GOSR1: variants seen among roughly 807,000 people sequenced by gnomAD.
The protein encoded by GOSR1 is golgi SNAP receptor complex member 1.
In GOSR1, 21 loss-of-function variants were observed where a neutral mutation model predicts 35.5. The observed-to-expected ratio is 0.59, with a 90% CI of 0.42 to 0.85. GOSR1 has a LOEUF of 0.85. Among genes scored for constraint, GOSR1 ranks in the 40% least tolerant of loss-of-function variants. The probability of loss-of-function intolerance (pLI) is 0.00; values close to 1 mark genes in which losing one functional copy is unlikely to be tolerated. For synonymous variants in GOSR1, 94 were observed against 106.6 expected, an observed-to-expected ratio of 0.88 and a Z score of 0.73; for missense variants, 285 against 309.6, an observed-to-expected ratio of 0.92 and a Z score of 0.60.
At chr17:30,500,417 G>A (rs1378821415) in intron 6 of GOSR1, among the ~76,000 whole-genome samples, 1 of 152,026 alleles carries the variant, frequency 6.6e-6, no homozygotes, top group East Asian at 1.9e-4. Context: ...GTAAGTTAAG[G>A]GTCAGGATTC....
intron 7 of GOSR1, among the ~76,000 whole-genome samples, chr17:30,518,943 C>CA (rs1453234236): frequency 6.6e-6 from 1 of 151,868 alleles, no homozygotes; most frequent in Non-Finnish European, 1.5e-5. Flanking sequence ...CCCTGTCCCC[C>CA]AACCCCCAAC....
intron 6 of GOSR1, among the ~76,000 whole-genome samples, chr17:30,507,302 A>AT (rs1967435646): frequency 6.6e-6 from 1 of 152,236 alleles, no homozygotes; most frequent in African/African-American, 2.4e-5. Context: ...AAATATCAAC[A>AT]TTAACAGGAA....
chr17:30,511,181 C>T (rs1328670885), intron 7 of GOSR1, among the ~76,000 whole-genome samples: 1 of 152,158 alleles, frequency 6.6e-6, no homozygotes, highest in Non-Finnish European at 1.5e-5. Context: ...TTTTCAATCT[C>T]AGTCTTTTTA....
At chr17:30,494,291 C>T (rs1311575813) in intron 6 of GOSR1, among the ~76,000 whole-genome samples, 1 of 151,954 alleles carries the variant, frequency 6.6e-6, no homozygotes, top group Non-Finnish European at 1.5e-5. Flanking sequence ...TAGGTTTTAG[C>T]AATTTATGTT....
intron 2 of GOSR1, among the ~76,000 whole-genome samples, chr17:30,481,621 T>C (rs1427661214): frequency 6.6e-6 from 1 of 152,232 alleles, no homozygotes; most frequent in East Asian, 1.9e-4. Context: ...GACCTGTGGA[T>C]CTACCCAGGT....
At chr17:30,491,844 C>T (rs1915063759) in intron 5 of GOSR1, among the ~76,000 whole-genome samples, 2 of 152,092 alleles carry the variant, frequency 1.3e-5, no homozygotes, top group Non-Finnish European at 2.9e-5. Flanking sequence ...TATTGAGACA[C>T]TTGTCTGAGG....
chr17:30,519,708 A>G (rs570326165), intron 7 of GOSR1: 70 of 380,456 alleles, frequency 1.8e-4, no homozygotes, highest in Non-Finnish European at 2.5e-4. Context: ...TGAAGCAAAC[A>G]TAGGAAGTGG....
rs1283602123 is a variant in GOSR1, at chr17:30,490,295, T to C, written c.434+78T>C. Reference sequence around the variant, plus strand: ...GGATATGTTCACGGTTAATTGCAAATTGAGTGGCAGAACCGTGGTTGAGAT... The same window carrying C: ...GGATATGTTCACGGTTAATTGCAAACTGAGTGGCAGAACCGTGGTTGAGAT... On this transcript the variant is annotated intron_variant, in intron 5 of 8. Transcript: ENST00000451249. 10 of 687,088 alleles carry C rather than the reference T, an allele frequency of 1.5e-5. No homozygotes were observed. In the South Asian group the frequency reaches 1.6e-4, roughly 11 times the overall value. 42.6% of individuals were successfully genotyped at this position (687,088 alleles called of 1,614,324 possible).
chr17:30,511,256 T>C (rs1413404188), intron 7 of GOSR1, among the ~76,000 whole-genome samples: 3 of 152,264 alleles, frequency 2.0e-5, no homozygotes, highest in African/African-American at 4.8e-5. Context: ...GCCATTCATA[T>C]AGACTTTGCT....
chr17:30,477,585 G>A (rs924293328), intron 1 of GOSR1, 121 bp downstream of exon 1: 2 of 1,408,932 alleles, frequency 1.4e-6, no homozygotes, highest in Non-Finnish European at 1.9e-6. Flanking sequence ...GCTGAGCAGC[G>A]GGGCTTGCCT....
At chr17:30,484,594 T>C (rs1015118526) in intron 3 of GOSR1, 69 bp from the exon 4 acceptor site, 3 of 803,974 alleles carry the variant, frequency 3.7e-6, no homozygotes, top group African/African-American at 3.5e-5. Flanking sequence ...TATAGGCAAA[T>C]AATTTGCTTT....
At chr17:30,519,819 T>C in intron 7 of GOSR1, 120 bp from the exon 8 acceptor site, 1 of 651,860 alleles carries the variant, frequency 1.5e-6, no homozygotes, top group Non-Finnish European at 2.7e-6. Flanking sequence ...CCTTATTTTC[T>C]GGCACAGTGC....
rs995558589 is a variant in GOSR1, at chr17:30,489,820, A to G, written c.343-306A>G. Among the ~76,000 whole-genome samples, 4 of 152,260 alleles carry G rather than the reference A, an allele frequency of 2.6e-5. No homozygotes were observed. The South Asian group carries it at 6.2e-4, about 24-fold the overall frequency. Reference sequence around the variant, plus strand: ...AGCCTCTCAAGTTTTCTCCTAGACTATTTGAAGTTATTTTATCTCAGAATT... The same window carrying G: ...AGCCTCTCAAGTTTTCTCCTAGACTGTTTGAAGTTATTTTATCTCAGAATT... On this transcript the variant is annotated intron_variant, in intron 4 of 8. Coordinates refer to ENST00000451249, the MANE Select transcript of GOSR1 (RefSeq NM_001007025.2).
intron 7 of GOSR1, among the ~76,000 whole-genome samples, chr17:30,511,823 G>A (rs1049162423): frequency 3.3e-5 from 5 of 152,234 alleles, no homozygotes; most frequent in Middle Eastern, 3.4e-3. Flanking sequence ...GAGCCACTGC[G>A]CCCAGCCACA....
intron 7 of GOSR1, among the ~76,000 whole-genome samples, chr17:30,516,473 C>A (rs79259432): frequency 0.52 from 69,710 of 135,046 alleles, 19,061 homozygotes; most frequent in East Asian, 0.83. Flanking sequence ...CCGTCTCAAA[C>A]AAAAAAAAAG....
chr17:30,498,250 G>A (rs1046099643), intron 6 of GOSR1, among the ~76,000 whole-genome samples: 6 of 151,602 alleles, frequency 4.0e-5, no homozygotes, highest in Non-Finnish European at 5.9e-5. Context: ...GTTGGTACCA[G>A]TTTTGGTTGT....
chr17:30,496,218 C>T (rs1487539041), intron 6 of GOSR1, among the ~76,000 whole-genome samples: 1 of 152,184 alleles, frequency 6.6e-6, no homozygotes, highest in South Asian at 2.1e-4. Context: ...AAGTATTTGA[C>T]TCTTCAGCCA....
chr17:30,521,295 G>A (rs1477689489), intron 8 of GOSR1, among the ~76,000 whole-genome samples: 10 of 142,940 alleles, frequency 7.0e-5, no homozygotes, highest in African/African-American at 7.8e-5. Context: ...CAGTCCTCCC[G>A]CCTCAGCCTT....
intron 6 of GOSR1, among the ~76,000 whole-genome samples, chr17:30,499,422 A>G (rs143058063): frequency 0.027 from 3,978 of 149,756 alleles, 83 homozygotes; most frequent in Non-Finnish European, 0.038. Context: ...GCTCACTGCA[A>G]CCTCCACCTC....
Sources: allele counts gnomAD v4.1 joint callset (sites outside exome capture counted in the v4.1 genomes callset), GRCh38; gene constraint gnomAD v4.1.1; transcripts MANE v1.5; gene names NCBI Gene and HGNC (gene_info 2026-07-23, HGNC 2026-07-21).